Variants in SLC36A2 observed in about 807,000 individuals in gnomAD.
The protein encoded by SLC36A2 is solute carrier family 36 member 2, also known as proton-coupled amino acid transporter 2.
SLC36A2 carries 39 observed loss-of-function variants against 42.7 expected under a neutral mutation model. The ratio of observed to expected loss-of-function variants is 0.91; its 90% CI spans 0.71 to 1.19. The LOEUF (loss-of-function observed/expected upper bound fraction) is 1.19, where lower values mean the gene tolerates loss of function less well. Among genes scored for constraint, SLC36A2 ranks in the 50% most tolerant of loss-of-function variants. The pLI is 0.00. For synonymous variants in SLC36A2, 237 were observed against 240.8 expected (o/e 0.98, Z 0.15); for missense variants, 590 against 613.7 (o/e 0.96, Z 0.41).
At chr5:151,332,686 AAGG>A (rs2127293131) in intron 7 of SLC36A2, among the ~76,000 whole-genome samples, 1 of 152,356 alleles carries the variant, frequency 6.6e-6, no homozygotes, top group African/African-American at 2.4e-5. Context: ...CAGAGAACAG[AAGG>A]AGAATTGTTC....
chr5:151,316,219 C>G lies in SLC36A2; in HGVS notation c.*598G>C, dbSNP rs1323173272. 6.5e-6 allele frequency: 1 copy of G among 153,868 alleles called. No homozygotes were observed. Among genetic ancestry groups the G allele is most frequent in the Non-Finnish European group, 1.4e-5 (1 of 69,218 alleles). 9.5% of individuals were successfully genotyped at this position (153,868 alleles called of 1,614,324 possible). On this transcript the variant is annotated 3_prime_UTR_variant, in exon 10 of 10. Coordinates refer to ENST00000335244, the MANE Select transcript of SLC36A2 (RefSeq NM_181776.3). Reference sequence around the variant, plus strand: ...CCTCTGGTGGCTGCTTCTTGCATAGCTCCACGCTAGGTATGAAATTCATTG... The same window carrying G: ...CCTCTGGTGGCTGCTTCTTGCATAGGTCCACGCTAGGTATGAAATTCATTG...
chr5:151,342,845 T>C, intron 4 of SLC36A2, 43 bp downstream of exon 4: 4 of 1,536,630 alleles, frequency 2.6e-6, no homozygotes. Context: ...CATTTTCTCC[T>C]CCTGTGTCCT....
chr5:151,343,993 A>G (rs538951565), intron 2 of SLC36A2, among the ~76,000 whole-genome samples, 184 bp downstream of exon 2: 1 of 152,282 alleles, frequency 6.6e-6, no homozygotes, highest in Non-Finnish European at 1.5e-5. Context: ...ATGACTTACC[A>G]AAGGTACTAA....
At chr5:151,319,237 G>A (rs1755611742) in intron 9 of SLC36A2, 1 of 515,928 alleles carries the variant, frequency 1.9e-6, no homozygotes, top group Non-Finnish European at 2.5e-6. Flanking sequence ...AAGAAGTGTA[G>A]TGTAGGCTTA....
At chr5:151,343,017 G>A (rs779149655) in intron 3 of SLC36A2, 34 bp from the exon 4 acceptor site, 37 of 1,557,192 alleles carry the variant, frequency 2.4e-5, no homozygotes, top group African/African-American at 5.4e-5. Context: ...GTTTCCAAGA[G>A]ATAGTTTAGC....
chr5:151,340,701 C>A (rs1756320606), intron 4 of SLC36A2, among the ~76,000 whole-genome samples: 1 of 152,076 alleles, frequency 6.6e-6, no homozygotes, highest in Non-Finnish European at 1.5e-5. Context: ...TTCTCTAGGG[C>A]AAGGAAGATA....
intron 3 of SLC36A2, 115 bp from the exon 4 acceptor site, chr5:151,343,098 CAG>C (rs1756393680): frequency 1.2e-6 from 1 of 847,224 alleles, no homozygotes; most frequent in Non-Finnish European, 2.0e-6. Flanking sequence ...AGAAAGAACA[CAG>C]GGGCAGAGAC....
At chr5:151,327,498 C>G (rs1466359498) in intron 7 of SLC36A2, among the ~76,000 whole-genome samples, 2 of 152,326 alleles carry the variant, frequency 1.3e-5, no homozygotes, top group East Asian at 3.9e-4. Context: ...TCTCTCTATT[C>G]CAGGCATTTG....
At chr5:151,344,362 G>A in intron 1 of SLC36A2, 95 bp from the exon 2 acceptor site, 2 of 1,038,752 alleles carry the variant, frequency 1.9e-6, no homozygotes, top group Non-Finnish European at 2.9e-6. Flanking sequence ...TGATAGGCGG[G>A]CTCCTAGCCA....
intron 5 of SLC36A2, 44 bp from the exon 6 acceptor site, chr5:151,335,591 T>G: frequency 7.2e-7 from 1 of 1,381,564 alleles, no homozygotes; most frequent in Non-Finnish European, 1.0e-6. Flanking sequence ...ATGATGAGTC[T>G]TCTAACCTCA....
intron 6 of SLC36A2, 31 bp from the exon 7 acceptor site, chr5:151,333,353 CA>C: frequency 6.3e-7 from 1 of 1,583,664 alleles, no homozygotes; most frequent in South Asian, 1.1e-5. Context: ...ATGAGACAGT[CA>C]CTCTTAAAGC....
Position 151,322,069 on chromosome 5 carries a change from C to T in SLC36A2, c.1157G>A (p.Arg386His), listed in dbSNP as rs764352852. Residue 386 changes from arginine (R) to histidine (H), a missense_variant, in exon 9 of 10, where the codon CGC (arginine) becomes CAC (histidine). Transcript: ENST00000335244. The part of the protein sequence containing the change: ...RWALPLDLSI[R>H]LVMVCLTCLL... ...ACATGTCAGGCAGACCATGACGAGG[C>T]GAATGGACAGATCCAGAGGCAGTGC... is the stretch of plus-strand genomic sequence containing the variant. 75 of 1,614,002 alleles carry T rather than the reference C, an allele frequency of 4.6e-5. No individual in the cohort carries two copies. The highest frequency in any genetic ancestry group is 2.2e-4 in the Admixed American group (13 of 59,988).
In SLC36A2 at chr5:151,344,205, G is replaced by C. The variant is rs779756047; in HGVS notation, c.227C>G (p.Pro76Arg). ...GATGCCCGCGTTCTTCACAGCGAGG[G>C]GTAGTCCCAGGATCCCTGTGCCCAT... ...GNMGTGILGL[P>R]LAVKNAGILM... The change falls in exon 2 of 10, where the codon CCC becomes CGC. Residue 76 changes from proline to arginine, a missense_variant. Pro to Arg is a moderately radical substitution (Grantham distance 103, BLOSUM62 -2). Transcript: ENST00000335244. 3 of 1,614,006 alleles carry C rather than the reference G, an allele frequency of 1.9e-6. No individual in the cohort carries two copies. Among genetic ancestry groups the C allele is most frequent in the Middle Eastern group, 1.6e-4 (1 of 6,084 alleles).
chr5:151,329,004 G>A (rs10073743), intron 7 of SLC36A2, among the ~76,000 whole-genome samples: 12,228 of 152,212 alleles, frequency 0.08, 824 homozygotes, highest in African/African-American at 0.19. Flanking sequence ...CAGAGGATGG[G>A]AAAAAGAACC....
intron 7 of SLC36A2, among the ~76,000 whole-genome samples, chr5:151,328,846 C>T (rs552283358): frequency 7.6e-4 from 116 of 152,300 alleles, no homozygotes; most frequent in African/African-American, 2.7e-3. Context: ...TATGTGGCTG[C>T]ATGATTTGCC....
At chr5:151,334,723 G>A (rs1214666182) in intron 6 of SLC36A2, among the ~76,000 whole-genome samples, 1 of 151,856 alleles carries the variant, frequency 6.6e-6, no homozygotes, top group East Asian at 1.9e-4. Context: ...ATAAATAAAA[G>A]AAAAATTAGA....
chr5:151,328,695 G>A (rs780985937), intron 7 of SLC36A2, among the ~76,000 whole-genome samples: 12 of 152,288 alleles, frequency 7.9e-5, no homozygotes, highest in Non-Finnish European at 1.8e-4. Flanking sequence ...TTGGCTTTAG[G>A]AGTCTGAAGA....
At chr5:151,326,392 TC>T (rs1213914463) in intron 7 of SLC36A2, among the ~76,000 whole-genome samples, 1 of 152,044 alleles carries the variant, frequency 6.6e-6, no homozygotes, top group African/African-American at 2.4e-5. Flanking sequence ...CTGTGCAGAC[TC>T]CCTCCGCCAA....
At chr5:151,329,626 AT>A (rs1755942397) in intron 7 of SLC36A2, among the ~76,000 whole-genome samples, 1 of 152,164 alleles carries the variant, frequency 6.6e-6, no homozygotes, top group Non-Finnish European at 1.5e-5. Flanking sequence ...ACAAATGGAA[AT>A]ATTATAACTG....
Sources: allele counts gnomAD v4.1 joint callset (sites outside exome capture counted in the v4.1 genomes callset), GRCh38; gene constraint gnomAD v4.1.1; transcripts MANE v1.5; gene names NCBI Gene and HGNC (gene_info 2026-07-23, HGNC 2026-07-21).